LRRTM4: variants seen among roughly 807,000 people sequenced by gnomAD.
LRRTM4 encodes leucine-rich repeat transmembrane neuronal protein 4.
In LRRTM4, 25 loss-of-function variants were observed where a neutral mutation model predicts 47.6. The observed-to-expected ratio is 0.53, with a 90% CI of 0.38 to 0.73. LRRTM4 has a LOEUF of 0.73. LRRTM4 is among the 30% of genes least tolerant of loss of function. The pLI is 0.00. For missense variants in LRRTM4, 638 were observed against 713.4 expected (o/e 0.89, Z 1.20); for synonymous variants, 311 against 269.5 (o/e 1.15, Z -1.51).
chr2:77,483,104 G>T (rs1677775182), intron 3 of LRRTM4, among the ~76,000 whole-genome samples: 2 of 102,756 alleles, frequency 1.9e-5, no homozygotes, highest in East Asian at 4.3e-4. Flanking sequence ...CTAGGAGGCA[G>T]AGCAAGACTG....
intron 3 of LRRTM4, among the ~76,000 whole-genome samples, chr2:76,943,427 T>A (rs1675218723): frequency 6.6e-6 from 1 of 151,844 alleles, no homozygotes; most frequent in Non-Finnish European, 1.5e-5. Flanking sequence ...AAAGCAAAAC[T>A]CCGTCTCAAA....
chr2:76,891,493 T>C (rs934820014), intron 3 of LRRTM4, among the ~76,000 whole-genome samples: 2 of 151,714 alleles, frequency 1.3e-5, no homozygotes, highest in Admixed American at 6.6e-5. Flanking sequence ...ATTGGAAAAG[T>C]AAGCCAAATT....
rs183887076 is a variant in LRRTM4 at position 77,497,360 on chromosome 2, T to A, written c.1551+20958A>T. On this transcript the variant is annotated intron_variant, in intron 3 of 3. Transcript: ENST00000409884. ...TACTTTGTGTTTGATTTGCTCTGTT[T>A]TTTTTTAGTTTATCAAGATAGAAGC... Among the ~76,000 whole-genome samples, 447 of 151,750 alleles carry A rather than the reference T, an allele frequency of 2.9e-3. 3 individuals are homozygous for A. Among genetic ancestry groups the A allele is most frequent in the African/African-American group, 0.01 (435 of 41,494 alleles).
intron 3 of LRRTM4, among the ~76,000 whole-genome samples, chr2:77,183,991 G>C (rs929050132): frequency 6.6e-6 from 1 of 152,078 alleles, no homozygotes; most frequent in Admixed American, 6.6e-5. Flanking sequence ...TAAATGAGGA[G>C]TTAATGGGTG....
chr2:77,112,552 T>A (rs1239740884), intron 3 of LRRTM4, among the ~76,000 whole-genome samples: 1 of 152,182 alleles, frequency 6.6e-6, no homozygotes, highest in East Asian at 1.9e-4. Context: ...AACATTTTAT[T>A]GATTTTTCAG....
At chr2:77,203,507 C>G (rs1202605850) in intron 3 of LRRTM4, among the ~76,000 whole-genome samples, 1 of 152,048 alleles carries the variant, frequency 6.6e-6, no homozygotes, top group Non-Finnish European at 1.5e-5. Context: ...GCAGTAGGGC[C>G]CATCTTAAAG....
chr2:77,407,123 T>C (rs948386197), intron 3 of LRRTM4, among the ~76,000 whole-genome samples: 2 of 152,124 alleles, frequency 1.3e-5, no homozygotes, highest in Admixed American at 6.5e-5. Context: ...CAAGGAAACC[T>C]TACAAAGAAT....
intron 3 of LRRTM4, among the ~76,000 whole-genome samples, chr2:77,444,987 A>C (rs974549351): frequency 4.0e-5 from 6 of 150,632 alleles, no homozygotes; most frequent in African/African-American, 1.2e-4. Flanking sequence ...GAAAAAAAAA[A>C]AAACACTAAA....
chr2:77,346,003 A>G (rs1671547111), intron 3 of LRRTM4, among the ~76,000 whole-genome samples: 2 of 152,058 alleles, frequency 1.3e-5, no homozygotes, highest in Admixed American at 1.3e-4. Flanking sequence ...AGTATTTTTT[A>G]TAATAGAATA....
intron 3 of LRRTM4, among the ~76,000 whole-genome samples, chr2:76,869,794 CCAATGA>C (rs1213470639): frequency 2.6e-5 from 4 of 151,554 alleles, no homozygotes; most frequent in African/African-American, 7.3e-5. Flanking sequence ...AAAATAATAC[CCAATGA>C]CAAGAAAATA....
chr2:76,891,535 A>G (rs1376712454), intron 3 of LRRTM4, among the ~76,000 whole-genome samples: 1 of 151,778 alleles, frequency 6.6e-6, no homozygotes, highest in East Asian at 1.9e-4. Context: ...AAAATACTAG[A>G]TAAAATAGTT....
intron 3 of LRRTM4, among the ~76,000 whole-genome samples, chr2:77,345,422 AATAT>A (rs1208057635): frequency 6.6e-6 from 1 of 151,944 alleles, no homozygotes; most frequent in African/African-American, 2.4e-5. Flanking sequence ...TTTTGTGAAG[AATAT>A]ATAAAGAATT....
Position 76,922,053 on chromosome 2 carries a change from A to T in LRRTM4, c.1552-173137T>A, listed in dbSNP as rs148995955. Among the ~76,000 whole-genome samples, 339 of 152,258 alleles carry T rather than the reference A, an allele frequency of 2.2e-3. 1 individual carries two copies. Among genetic ancestry groups the T allele is most frequent in the African/African-American group, 7.9e-3 (327 of 41,568 alleles). ...GAAATGTGACATATACATAAACGCA[A>T]TATCATTCAGCCTTAAAAAAGAAAT... is the stretch of plus-strand genomic sequence containing the variant. On this transcript the variant is annotated intron_variant, in intron 3 of 3. Coordinates refer to ENST00000409884, the MANE Select transcript of LRRTM4 (RefSeq NM_001134745.3).
chr2:77,248,770 A>G (rs1675520298), intron 3 of LRRTM4, among the ~76,000 whole-genome samples: 1 of 152,152 alleles, frequency 6.6e-6, no homozygotes, highest in Non-Finnish European at 1.5e-5. Context: ...ATCTTTGACA[A>G]AGGAACAAAG....
At chr2:77,132,444 A>C (rs1366932821) in intron 3 of LRRTM4, among the ~76,000 whole-genome samples, 2 of 152,190 alleles carry the variant, frequency 1.3e-5, no homozygotes, top group East Asian at 3.9e-4. Flanking sequence ...GTCAAGTGCT[A>C]CAGTTAGCAT....
intron 3 of LRRTM4, among the ~76,000 whole-genome samples, chr2:76,813,488 G>A (rs985093880): frequency 5.9e-5 from 9 of 151,944 alleles, no homozygotes; most frequent in Non-Finnish European, 1.2e-4. Flanking sequence ...AATATTTATT[G>A]CTACTTTGTT....
At chr2:77,454,868 C>A (rs1326420823) in intron 3 of LRRTM4, among the ~76,000 whole-genome samples, 2 of 151,902 alleles carry the variant, frequency 1.3e-5, no homozygotes, top group African/African-American at 2.4e-5. Context: ...TAAAAGCTGC[C>A]CCCCCTTTTA....
At chr2:76,941,868 G>T (rs1055716687) in intron 3 of LRRTM4, among the ~76,000 whole-genome samples, 1 of 152,164 alleles carries the variant, frequency 6.6e-6, no homozygotes, top group African/African-American at 2.4e-5. Context: ...TCTGTTTCTA[G>T]ATCCTTGAGG....
chr2:77,233,068 G>A (rs1052438921), intron 3 of LRRTM4, among the ~76,000 whole-genome samples: 5 of 152,188 alleles, frequency 3.3e-5, no homozygotes, highest in Admixed American at 2.0e-4. Flanking sequence ...TGAGTTCCAT[G>A]AAGTCAGAGT....
Sources: gnomAD v4.1 joint callset for allele counts (sites outside exome capture counted in the v4.1 genomes callset) on GRCh38, gnomAD v4.1.1 for gene constraint, MANE v1.5 for transcripts, NCBI Gene and HGNC (gene_info 2026-07-23, HGNC 2026-07-21) for gene names.